The following MYO9A variants were observed in gnomAD, a reference collection of about 807,000 sequenced individuals.
MYO9A encodes unconventional myosin-IXa.
A neutral mutation model predicts 293.3 loss-of-function variants in MYO9A; 103 were observed. That is an observed-to-expected ratio of 0.35 (90% CI 0.30 to 0.41). The LOEUF (loss-of-function observed/expected upper bound fraction) is 0.41. Ranked by LOEUF, MYO9A falls within the 10% of genes least tolerant of loss-of-function variation. The pLI is 1.00. For missense variants in MYO9A, 2,685 were observed against 3,033.0 expected (o/e 0.89, Z 2.69); for synonymous variants, 1,001 against 1,035.7 (o/e 0.97, Z 0.64).
intron 1 of MYO9A, among the ~76,000 whole-genome samples, chr15:72,060,676 A>G (rs1596486621): frequency 6.6e-6 from 1 of 152,322 alleles, no homozygotes; most frequent in East Asian, 1.9e-4. Flanking sequence ...TGTCCATCCC[A>G]GTGGTTGGAA....
chr15:72,066,728 G>C (rs1405496810), intron 1 of MYO9A, among the ~76,000 whole-genome samples: 1 of 151,932 alleles, frequency 6.6e-6, no homozygotes, highest in Non-Finnish European at 1.5e-5. Flanking sequence ...ACATATGTAA[G>C]AAATTTTTAA....
intron 19 of MYO9A, among the ~76,000 whole-genome samples, chr15:71,908,285 T>C (rs1206430729): frequency 1.3e-5 from 2 of 152,176 alleles, no homozygotes; most frequent in Non-Finnish European, 2.9e-5. Flanking sequence ...GAGGGCTCTG[T>C]TCTGTTCCAT....
At chr15:71,896,952 A>T (rs186837204) in intron 25 of MYO9A, 1 of 152,450 alleles carries the variant, frequency 6.6e-6, no homozygotes, top group African/African-American at 2.4e-5. Context: ...TTGCAAAACA[A>T]TGTATATACA....
At chr15:72,039,157 C>G (rs2078151557) in intron 2 of MYO9A, among the ~76,000 whole-genome samples, 1 of 152,012 alleles carries the variant, frequency 6.6e-6, no homozygotes, top group Non-Finnish European at 1.5e-5. Context: ...ATTCACAAAT[C>G]TTTATTGAGA....
intron 33 of MYO9A, among the ~76,000 whole-genome samples, chr15:71,860,475 T>C (rs1204660907): frequency 1.3e-5 from 2 of 152,136 alleles, no homozygotes; most frequent in African/African-American, 4.8e-5. Flanking sequence ...GAGGAAGGTA[T>C]TGAGAACACA....
rs560754608 is a variant in MYO9A, at chr15:72,118,016, C to G, written c.-408G>C. 2.8e-4 allele frequency: 110 copies of G among 397,402 alleles called. No individual in the cohort carries two copies. In the South Asian group the frequency reaches 5.5e-3, roughly 20 times the overall value. The allele number at this position is 397,402 out of a possible 1,614,324, so 24.6% of individuals were successfully genotyped here. Reference sequence around the variant, plus strand: ...CCGCCGCCGCCTCTCGCAGTCCGGGCTGTCCTGTACTCTCTCAACAGACAC... The same window carrying G: ...CCGCCGCCGCCTCTCGCAGTCCGGGGTGTCCTGTACTCTCTCAACAGACAC... On this transcript the variant is annotated 5_prime_UTR_variant, in exon 1 of 42. Coordinates refer to ENST00000356056, the MANE Select transcript of MYO9A (RefSeq NM_006901.4).
chr15:72,078,460 C>T (rs978186058), intron 1 of MYO9A, among the ~76,000 whole-genome samples: 2 of 152,112 alleles, frequency 1.3e-5, no homozygotes, highest in African/African-American at 4.8e-5. Flanking sequence ...CCACTGCACT[C>T]CAGCCTGTGG....
At chr15:71,977,432 T>A (rs1387005981) in intron 12 of MYO9A, among the ~76,000 whole-genome samples, 10 of 152,258 alleles carry the variant, frequency 6.6e-5, no homozygotes, top group Non-Finnish European at 1.5e-4. Context: ...AGACAAGATT[T>A]CACCATGTTG....
At chr15:71,956,902 T>C (rs1347463733) in intron 14 of MYO9A, among the ~76,000 whole-genome samples, 1 of 150,546 alleles carries the variant, frequency 6.6e-6, no homozygotes, top group Non-Finnish European at 1.5e-5. Context: ...CTTTCAAGGT[T>C]CATTCATATT....
chr15:71,994,377 T>C, intron 10 of MYO9A, 92 bp downstream of exon 10: 1 of 688,558 alleles, frequency 1.5e-6, no homozygotes. Flanking sequence ...CTTATTACTC[T>C]ATATAATTCT....
At chr15:71,866,459 G>GT (rs1449957402) in intron 32 of MYO9A, among the ~76,000 whole-genome samples, 1 of 152,038 alleles carries the variant, frequency 6.6e-6, no homozygotes, top group East Asian at 1.9e-4. Context: ...GAGCTCAGGA[G>GT]TTTGAGGTTG....
chr15:71,911,209 G>T (rs1349924512), intron 19 of MYO9A, among the ~76,000 whole-genome samples: 2 of 152,078 alleles, frequency 1.3e-5, no homozygotes, highest in Non-Finnish European at 2.9e-5. Flanking sequence ...AGCTATTCTA[G>T]AACACTTAAT....
intron 32 of MYO9A, among the ~76,000 whole-genome samples, chr15:71,869,415 C>G (rs751253909): frequency 4.6e-5 from 7 of 152,044 alleles, no homozygotes; most frequent in African/African-American, 9.7e-5. Flanking sequence ...AAAACATGCT[C>G]TAAAAAAACT....
chr15:71,901,170 A>G (rs2057472626), intron 23 of MYO9A, 21 bp downstream of exon 23: 1 of 1,599,612 alleles, frequency 6.3e-7, no homozygotes, highest in African/African-American at 1.3e-5. Context: ...AATCTCATGC[A>G]AAGAATCCTT....
At chr15:71,888,154 TA>T in intron 26 of MYO9A, 38 bp from the exon 27 acceptor site, 3 of 1,128,220 alleles carry the variant, frequency 2.7e-6, no homozygotes, top group Non-Finnish European at 4.0e-6. Context: ...TAATGCCAAG[TA>T]AATATATGAT....
rs1254947550 is a variant in MYO9A at position 71,858,971 on chromosome 15, C to G, written c.6153+764G>C. Among the ~76,000 whole-genome samples the G allele has an allele frequency of 5.3e-5, 8 of 152,130 alleles. No individual in the cohort carries two copies. The East Asian group carries it at 1.5e-3, about 29-fold the overall frequency. On this transcript the variant is annotated intron_variant, in intron 34 of 41. Transcript: ENST00000356056. ...TCTCCTAAAGTACAATTTGCCTGTG[C>G]AGCTCCCTGATGCTTGCCAACAAAC...
chr15:72,089,215 T>G (rs935971731), intron 1 of MYO9A, among the ~76,000 whole-genome samples: 11 of 152,154 alleles, frequency 7.2e-5, no homozygotes, highest in Non-Finnish European at 1.5e-4. Flanking sequence ...CAGACTACAG[T>G]GCAATGTCTT....
chr15:71,934,404 T>C (rs182325290), intron 17 of MYO9A, among the ~76,000 whole-genome samples: 1 of 152,188 alleles, frequency 6.6e-6, no homozygotes, highest in Admixed American at 6.5e-5. Context: ...TAAAAGTTGT[T>C]GTGAGGATTA....
chr15:72,021,000 T>A lies in MYO9A; in HGVS notation c.1016A>T (p.Tyr339Phe). The change falls in exon 5 of 42, where the codon TAT becomes TTT. Residue 339 changes from tyrosine to phenylalanine, a missense_variant. By Grantham distance (22) the Tyr-to-Phe change is conservative. This residue lies in a region of MYO9A where 289 missense variants were observed against 456.8 expected (regional missense o/e 0.63). Transcript: ENST00000356056. ...EHNERNYHVF[Y>F]YLLAGASEDE... ...TTCACTTGCTCCTGCCAGGAGGTAA[T>A]AGAATACATGATAGTTCCTGTGGGA... 6.4e-7 allele frequency: 1 copy of A among 1,556,704 alleles called. No individual in the cohort carries two copies. The highest frequency in any genetic ancestry group is 8.6e-7 in the Non-Finnish European group (1 of 1,159,238).
Sources: gnomAD v4.1 joint callset for allele counts (sites outside exome capture counted in the v4.1 genomes callset) on GRCh38, gnomAD v4.1.1 for gene constraint, gnomAD v4.1.1 regional missense constraint, MANE v1.5 for transcripts, NCBI Gene and HGNC (gene_info 2026-07-23, HGNC 2026-07-21) for gene names.